Variants in TFR2 observed in about 807,000 individuals in gnomAD.
TFR2 encodes transferrin receptor 2, also known as transferrin receptor protein 2.
Under a neutral mutation model 91.9 loss-of-function variants are expected in TFR2, and 64 were observed. The observed-to-expected ratio is 0.70, with a 90% confidence interval of 0.57 to 0.86. The LOEUF (loss-of-function observed/expected upper bound fraction) is 0.86, where lower values mean the gene tolerates loss of function less well. TFR2 is among the 40% of genes least tolerant of loss of function. TFR2 has a pLI of 0.00. For synonymous variants in TFR2, 454 were observed against 459.6 expected, an observed-to-expected ratio of 0.99 and a Z score of 0.15; for missense variants, 950 against 1,080.5, an observed-to-expected ratio of 0.88 and a Z score of 1.69.
intron 10 of TFR2, among the ~76,000 whole-genome samples, chr7:100,628,758 T>TTTTTC (rs1235894147): frequency 2.0e-5 from 3 of 150,968 alleles, no homozygotes; most frequent in African/African-American, 2.4e-5. Context: ...CATGTCACTT[T>TTTTTC]TTTTCTTTTC....
intron 9 of TFR2, 129 bp downstream of exon 9, chr7:100,630,760 C>T: frequency 7.4e-7 from 1 of 1,344,586 alleles, no homozygotes; most frequent in South Asian, 1.3e-5. Flanking sequence ...TGCCAGCTTC[C>T]CTCCTCTGGG....
Position 100,633,544 on chromosome 7 carries a change from A to T in TFR2, c.486T>A (p.Leu162=), listed in dbSNP as rs1167945529. The part of the protein sequence containing the change: ...RLEDTIRQTS[L]RERVAGSAGM... ...CGGCCGAGCCTGCCACCCGTTCCCGAAGGCTGGTTTGCCTAAGCGGGGAGA... is the reference window on the plus strand; with the variant it reads ...CGGCCGAGCCTGCCACCCGTTCCCGTAGGCTGGTTTGCCTAAGCGGGGAGA... Residue 162 remains leucine (L), a synonymous_variant, in exon 4 of 18, where the codon CTT becomes CTA. Transcript: ENST00000223051. 2 of 1,604,534 alleles carry T rather than the reference A, an allele frequency of 1.2e-6. No homozygotes were observed. Among genetic ancestry groups the T allele is most frequent in the Non-Finnish European group, 1.7e-6 (2 of 1,179,498 alleles).
At position 100,635,742 on chromosome 7, in the gene TFR2, G is replaced by C. The variant is rs188758639; in HGVS notation, c.474-2186C>G. ...GCCTCCCAAAGTGCTGGGATTACAG[G>C]TGTGAGCCACCGTGCCTGGTCAAAT... On this transcript the variant is annotated intron_variant, in intron 3 of 17. Transcript: ENST00000223051. Among the ~76,000 whole-genome samples, 3 of 152,148 alleles carry C rather than the reference G, an allele frequency of 2.0e-5. No homozygotes were observed. The East Asian group carries it at 5.8e-4, about 29-fold the overall frequency.
At chr7:100,622,919 ACTGCCCTC>A (rs1803146475) in intron 17 of TFR2, among the ~76,000 whole-genome samples, 1 of 151,616 alleles carries the variant, frequency 6.6e-6, no homozygotes, top group African/African-American at 2.4e-5. Flanking sequence ...AGATCGTGCC[ACTGCCCTC>A]CAGCCTGGGT....
At position 100,632,985 on chromosome 7, in the gene TFR2, G is replaced by A; in HGVS notation, c.849+16C>T. ...GTTCCCGGGCTCAAGCCCTCCCTCTGTCCAGGGACACTTACCTTCTGGGCG... is the reference window on the plus strand; with the variant it reads ...GTTCCCGGGCTCAAGCCCTCCCTCTATCCAGGGACACTTACCTTCTGGGCG... On this transcript the variant is annotated intron_variant, in intron 6 of 17. Transcript: ENST00000223051. 1.9e-6 allele frequency: 3 copies of A among 1,613,660 alleles called. No homozygotes were observed. Among genetic ancestry groups the A allele is most frequent in the Non-Finnish European group, 2.5e-6 (3 of 1,179,994 alleles).
At position 100,631,172 on chromosome 7, in the gene TFR2, G is replaced by A. The variant is rs1468448534; in HGVS notation, c.1107-120C>T. On this transcript the variant is annotated intron_variant, in intron 8 of 17. Transcript: ENST00000223051. ...TGGCTCCAGATCGCTGCCTCTGGACGCTGCCTGGGTAGGGCAGTGCAGTCA... is the reference window on the plus strand; with the variant it reads ...TGGCTCCAGATCGCTGCCTCTGGACACTGCCTGGGTAGGGCAGTGCAGTCA... 7 of 1,189,548 alleles carry A rather than the reference G, an allele frequency of 5.9e-6. 1 individual carries two copies. The highest frequency in any genetic ancestry group is 5.7e-6 in the Non-Finnish European group (5 of 879,012). The allele number at this position is 1,189,548 out of a possible 1,614,324, so 73.7% of individuals were successfully genotyped here. A position where few individuals can be genotyped will look rare whatever the true frequency, so the allele number is the denominator to read the frequency against.
chr7:100,628,327 G>A (rs774462499), intron 10 of TFR2, 21 bp from the exon 11 acceptor site: 32 of 1,613,140 alleles, frequency 2.0e-5, no homozygotes, highest in Non-Finnish European at 2.5e-5. Flanking sequence ...AGGGGAAGGA[G>A]GACAGGCTTA....
intron 3 of TFR2, among the ~76,000 whole-genome samples, chr7:100,636,591 TAGAC>T (rs1356769534): frequency 1.3e-5 from 2 of 152,030 alleles, no homozygotes; most frequent in Non-Finnish European, 2.9e-5. Context: ...GACTCTGAGA[TAGAC>T]AGGATATATT....
intron 8 of TFR2, 54 bp from the exon 9 acceptor site, chr7:100,631,106 C>A: frequency 2.1e-6 from 3 of 1,452,614 alleles, no homozygotes; most frequent in Non-Finnish European, 2.7e-6. Context: ...CAGAAGAGTC[C>A]AAATCACTCT....
In TFR2 at chr7:100,627,815, A is replaced by G. The variant is rs763299493; in HGVS notation, c.1611T>C (p.Asp537=). Residue 537 remains aspartate, a synonymous_variant, in exon 14 of 18, where the codon GAT becomes GAC. Transcript: ENST00000223051. The part of the protein sequence containing the change: ...SLIESVLKQV[D]SPNHSGQTLY... ...GAGTCTGCCCACTGTGGTTGGGAGA[A>G]TCCACCTGGGGGTTGGGGAAGGGCA... is the stretch of plus-strand genomic sequence containing the variant. 13 of 1,613,908 alleles carry G rather than the reference A, an allele frequency of 8.1e-6. No individual in the cohort carries two copies. Among genetic ancestry groups the G allele is most frequent in the Non-Finnish European group, 1.0e-5 (12 of 1,179,974 alleles).
Position 100,641,503 on chromosome 7 carries a change from G to T in TFR2, c.7C>A (p.Arg3=), listed in dbSNP as rs778169466. The change falls in exon 1 of 18, where the codon CGG becomes AGG. Residue 3 remains arginine (R), a synonymous_variant. Transcript: ENST00000223051. The part of the protein sequence containing the change: ME[R]LWGLFQRAQQ... ...GCTCTCTGGAATAGACCCCAAAGCC[G>T]CTCCATGCTTGTGTCCCCTCCTGAA... 6.2e-7 allele frequency: 1 copy of T among 1,613,826 alleles called. No individual in the cohort carries two copies. The highest frequency in any genetic ancestry group is 8.5e-7 in the Non-Finnish European group (1 of 1,179,912).
intron 9 of TFR2, among the ~76,000 whole-genome samples, chr7:100,629,809 G>A (rs1418557645): frequency 2.0e-5 from 3 of 151,846 alleles, no homozygotes; most frequent in South Asian, 2.1e-4. Flanking sequence ...GCAGTGGCAC[G>A]ATCTTGGCTC....
At chr7:100,634,081 C>T (rs1234714411) in intron 3 of TFR2, among the ~76,000 whole-genome samples, 2 of 151,918 alleles carry the variant, frequency 1.3e-5, no homozygotes. Flanking sequence ...CTGCTTAAAA[C>T]CTGACTTCCC....
chr7:100,628,180 A>G (rs759247993), intron 11 of TFR2, 44 bp from the exon 12 acceptor site: 3 of 1,000,724 alleles, frequency 3.0e-6, no homozygotes, highest in Non-Finnish European at 4.1e-6. Context: ...CCCCACCCCC[A>G]CCTCTCCCCA....
chr7:100,627,394 ACGG>A lies in TFR2; in HGVS notation c.1862_1864del (p.Ala621del). 1 of 1,563,134 alleles carries A rather than the reference ACGG, an allele frequency of 6.4e-7. No homozygotes were observed. Among genetic ancestry groups the A allele is most frequent in the Non-Finnish European group, 8.7e-7 (1 of 1,153,616 alleles). On this transcript the variant is annotated inframe_deletion, in exon 16 of 18. Transcript: ENST00000223051. ...GAGGAGCTGCCCTGCGAGCTGGGCC[ACGG>A]CCTGGGCCACGGCGGGCAGGCGGCC...
chr7:100,632,612 C>T (rs1333070569), intron 6 of TFR2, among the ~76,000 whole-genome samples: 13 of 142,142 alleles, frequency 9.1e-5, no homozygotes, highest in Admixed American at 7.8e-4. Context: ...TGCAGTGGCG[C>T]GATCATAGCT....
Position 100,633,069 on chromosome 7 carries a change from C to A in TFR2, c.781G>T (p.Ala261Ser). 6.2e-7 allele frequency: 1 copy of A among 1,613,656 alleles called. No homozygotes were observed. The highest frequency in any genetic ancestry group is 2.2e-5 in the East Asian group (1 of 44,850). Residue 261 changes from alanine (A) to serine (S), a missense_variant, in exon 6 of 18, where the codon GCC becomes TCC. Physicochemically the swap from Ala to Ser is moderately conservative, Grantham distance 99 (BLOSUM62 1). Coordinates refer to ENST00000223051, the MANE Select transcript of TFR2 (RefSeq NM_003227.4). The part of the protein sequence containing the change: ...GRPEDLQDLR[A>S]RGVDPVGRLL... Reference sequence around the variant, plus strand: ...CGGCCCACTGGATCCACGCCCCTGGCCCGCAGGTCCTGCAGGTCTTCGGGC... The same window carrying A: ...CGGCCCACTGGATCCACGCCCCTGGACCGCAGGTCCTGCAGGTCTTCGGGC...
At chr7:100,635,856 C>G (rs187711538) in intron 3 of TFR2, among the ~76,000 whole-genome samples, 17 of 152,262 alleles carry the variant, frequency 1.1e-4, no homozygotes, top group Admixed American at 4.6e-4. Context: ...CCTCAGCCTC[C>G]CAAAGTGCTG....
At chr7:100,621,713 C>G (rs1344593817) in intron 17 of TFR2, among the ~76,000 whole-genome samples, 3 of 152,214 alleles carry the variant, frequency 2.0e-5, no homozygotes, top group Non-Finnish European at 4.4e-5. Context: ...TCTCCACCCC[C>G]ACCAATGTCC....
Sources: gnomAD v4.1 joint callset for allele counts (sites outside exome capture counted in the v4.1 genomes callset) on GRCh38, gnomAD v4.1.1 for gene constraint, MANE v1.5 for transcripts, NCBI Gene and HGNC (gene_info 2026-07-23, HGNC 2026-07-21) for gene names.